The following ASPRV1 variants were observed in gnomAD, a reference collection of about 807,000 sequenced individuals.
ASPRV1 encodes the protein aspartic peptidase retroviral like 1.
ASPRV1 carries 7 observed loss-of-function variants against 11.0 expected under a neutral mutation model. The observed-to-expected ratio is 0.64, with a 90% CI of 0.36 to 1.20. The LOEUF (loss-of-function observed/expected upper bound fraction) is 1.20, where lower values mean the gene tolerates loss of function less well. ASPRV1 is among the 50% of genes most tolerant of loss of function. The pLI, the probability that ASPRV1 is intolerant of heterozygous loss-of-function variation, is 0.02. For synonymous variants in ASPRV1, 136 were observed against 138.4 expected (o/e 0.98, Z 0.12); for missense variants, 299 against 320.0 (o/e 0.93, Z 0.50).
chr2:70,015,606 T>C, the ASPRV1 span: 1 of 152,196 alleles, frequency 6.6e-6, no homozygotes, highest in Admixed American at 6.5e-5. Flanking sequence ...ACATCAAAGC[T>C]TCTAGATACA....
chr2:70,000,597 C>T, the ASPRV1 span: 2 of 150,754 alleles, frequency 1.3e-5, no homozygotes, highest in African/African-American at 4.9e-5. Context: ...TGAGACCAGC[C>T]TGGCCAACAC....
chr2:70,038,762 A>G, the ASPRV1 span, among the ~76,000 whole-genome samples: 1 of 152,172 alleles, frequency 6.6e-6, no homozygotes, highest in Non-Finnish European at 1.5e-5. Flanking sequence ...GAGTTTGCAG[A>G]GGAGAGAAAG....
At chr2:70,074,133 C>CAAAAAA in the ASPRV1 span, among the ~76,000 whole-genome samples, 3 of 7,816 alleles carry the variant, frequency 3.8e-4, no homozygotes, top group African/African-American at 7.0e-4. Context: ...AACTTCATCT[C>CAAAAAA]AAAAAAAAAA....
chr2:69,986,997 A>C, the ASPRV1 span, among the ~76,000 whole-genome samples: 20 of 152,260 alleles, frequency 1.3e-4, no homozygotes, highest in African/African-American at 4.6e-4. Flanking sequence ...CTGTGGAGAA[A>C]GCCCTGCAGA....
At chr2:70,054,377 G>A in the ASPRV1 span, among the ~76,000 whole-genome samples, 2 of 151,600 alleles carry the variant, frequency 1.3e-5, no homozygotes, top group African/African-American at 4.8e-5. Context: ...CACAAGGTCA[G>A]GAGATCAAGA....
the ASPRV1 span, among the ~76,000 whole-genome samples, chr2:69,967,908 C>T: frequency 6.6e-6 from 1 of 151,898 alleles, no homozygotes; most frequent in African/African-American, 2.4e-5. Context: ...TGGTGAAACC[C>T]TGGCTCTACT....
chr2:70,070,132 T>C, the ASPRV1 span, among the ~76,000 whole-genome samples: 2 of 130,922 alleles, frequency 1.5e-5, no homozygotes, highest in Non-Finnish European at 3.0e-5. Context: ...TGAGCTGGGA[T>C]CGTGCCATTG....
chr2:69,985,992 A>C, the ASPRV1 span, among the ~76,000 whole-genome samples: 3 of 152,238 alleles, frequency 2.0e-5, no homozygotes, highest in Non-Finnish European at 4.4e-5. Context: ...GCCAGACTTA[A>C]AACGCAGACT....
At chr2:70,022,537 A>C in the ASPRV1 span, among the ~76,000 whole-genome samples, 1 of 152,002 alleles carries the variant, frequency 6.6e-6, no homozygotes, top group Admixed American at 6.5e-5. Context: ...AACAAAAAAA[A>C]AGTTAGTGGG....
At chr2:69,940,930 A>G in the ASPRV1 span, 1 of 152,588 alleles carries the variant, frequency 6.6e-6, no homozygotes, top group Non-Finnish European at 1.5e-5. Context: ...GTCCTCTCTC[A>G]TTCACTGATC....
At chr2:69,937,673 G>C in the ASPRV1 span, among the ~76,000 whole-genome samples, 73,464 of 151,994 alleles carry the variant, frequency 0.48, 19,884 homozygotes, top group African/African-American at 0.75. Context: ...GGAGTGCAGT[G>C]GTGTGATCTT....
the ASPRV1 span, among the ~76,000 whole-genome samples, chr2:69,976,960 G>A: frequency 2.0e-5 from 3 of 152,114 alleles, no homozygotes; most frequent in African/African-American, 7.2e-5. Context: ...GGGAAGCCGC[G>A]GCAGGTGGAT....
At chr2:70,065,663 AT>A in the ASPRV1 span, among the ~76,000 whole-genome samples, 6 of 151,412 alleles carry the variant, frequency 4.0e-5, no homozygotes, top group Admixed American at 4.0e-4. Flanking sequence ...TCTACAAAAA[AT>A]TTTTTTAAAA....
chr2:70,012,934 C>G, the ASPRV1 span, among the ~76,000 whole-genome samples: 3 of 152,124 alleles, frequency 2.0e-5, no homozygotes, highest in East Asian at 5.8e-4. Context: ...TCATAGAAAA[C>G]AACTGACAGT....
chr2:70,002,209 T>C, the ASPRV1 span, among the ~76,000 whole-genome samples: 138 of 152,222 alleles, frequency 9.1e-4, no homozygotes, highest in African/African-American at 3.2e-3. Context: ...CCTGGTGGGG[T>C]TCCCTGTCCA....
chr2:70,025,711 C>A, the ASPRV1 span, among the ~76,000 whole-genome samples: 1 of 152,310 alleles, frequency 6.6e-6, no homozygotes, highest in South Asian at 2.1e-4. Flanking sequence ...ATTTGGAGAG[C>A]AGATACTCTC....
At chr2:70,002,444 A>C in the ASPRV1 span, among the ~76,000 whole-genome samples, 1 of 152,126 alleles carries the variant, frequency 6.6e-6, no homozygotes, top group African/African-American at 2.4e-5. Flanking sequence ...TTCTGTGCCC[A>C]AGATCTCGTG....
In ASPRV1 at chr2:69,960,757, C is replaced by T. The variant is rs373824162; in HGVS notation, c.680G>A (p.Arg227His). The T allele has an allele frequency of 2.2e-5, 36 of 1,613,988 alleles. No individual in the cohort carries two copies. Among genetic ancestry groups the T allele is most frequent in the Admixed American group, 5.0e-5 (3 of 60,000 alleles). The change falls in exon 1 of 1, where the codon CGC becomes CAC. Residue 227 changes from arginine to histidine, a missense_variant. Coordinates refer to ENST00000320256, the MANE Select transcript of ASPRV1 (RefSeq NM_152792.4). ...RTCTLKGKKF[R>H]LLPVGGSLED... The stretch of plus-strand genomic sequence containing the variant: ...CAGGGACCCTCCCACAGGCAGAAGG[C>T]GAAACTTCTTCCCTTTCAGGGTGCA...
chr2:70,004,260 G>A, the ASPRV1 span, among the ~76,000 whole-genome samples: 5 of 152,254 alleles, frequency 3.3e-5, no homozygotes, highest in East Asian at 5.8e-4. Context: ...AGCCAGGCGC[G>A]GTGGCTCATG....
Sources: allele counts gnomAD v4.1 joint callset (sites outside exome capture counted in the v4.1 genomes callset), GRCh38; gene constraint gnomAD v4.1.1; transcripts MANE v1.5; gene names NCBI Gene and HGNC (gene_info 2026-07-23, HGNC 2026-07-21).